Variants in ATRNL1 observed in about 807,000 individuals in gnomAD.
ATRNL1 encodes attractin like 1, also known as attractin-like protein 1.
A neutral mutation model predicts 182.7 loss-of-function variants in ATRNL1; 95 were observed. The observed-to-expected ratio is 0.52, with a 90% CI of 0.44 to 0.62. The LOEUF (loss-of-function observed/expected upper bound fraction) is 0.62, where lower values mean the gene tolerates loss of function less well. Ranked by LOEUF, ATRNL1 falls within the 20% of genes least tolerant of loss-of-function variation. The pLI, the probability that ATRNL1 is intolerant of heterozygous loss-of-function variation, is 0.00. For synonymous variants in ATRNL1, 576 were observed against 568.3 expected, an observed-to-expected ratio of 1.01 and a Z score of -0.19; for missense variants, 1,471 against 1,679.5, an observed-to-expected ratio of 0.88 and a Z score of 2.17.
chr10:115,582,185 A>C (rs1298256160), intron 26 of ATRNL1, among the ~76,000 whole-genome samples: 2 of 149,660 alleles, frequency 1.3e-5, no homozygotes, highest in Non-Finnish European at 3.0e-5. Context: ...TGCTATTGTA[A>C]ATAGTGCCGC....
rs2134633549 is a variant in ATRNL1 at position 115,944,729 on chromosome 10, G to A, written c.4090G>A (p.Gly1364Arg). The change falls in exon 29 of 29, where the codon GGA becomes AGA. Residue 1364 changes from glycine (G) to arginine (R), a missense_variant. Gly to Arg is a moderately radical substitution (Grantham distance 125). This residue lies in a region of ATRNL1 where 437 missense variants were observed against 506.0 expected (regional missense o/e 0.86). Transcript: ENST00000355044. ...TTCAGATAGTAAAGATAAGACTTCT[G>A]GAGTCCGGAATCGAAAACACCTTTC... ...KASDSKDKTS[G>R]VRNRKHLSTR... is the part of the protein sequence containing the mutation. The A allele has an allele frequency of 6.2e-7, 1 of 1,613,654 alleles. No homozygotes were observed. The highest frequency in any genetic ancestry group is 2.2e-5 in the East Asian group (1 of 44,878).
intron 21 of ATRNL1, among the ~76,000 whole-genome samples, chr10:115,431,204 C>T (rs1339962610): frequency 6.6e-6 from 1 of 151,980 alleles, no homozygotes; most frequent in East Asian, 1.9e-4. Flanking sequence ...GTAGGGAGTT[C>T]GAGACCAGCC....
At chr10:115,416,375 A>G (rs781946445) in intron 20 of ATRNL1, among the ~76,000 whole-genome samples, 3 of 152,120 alleles carry the variant, frequency 2.0e-5, no homozygotes, top group Non-Finnish European at 4.4e-5. Flanking sequence ...AAATTTGAAA[A>G]CCATTTTAAT....
intron 24 of ATRNL1, among the ~76,000 whole-genome samples, chr10:115,478,346 G>A (rs1336799186): frequency 6.6e-6 from 1 of 151,666 alleles, no homozygotes; most frequent in Non-Finnish European, 1.5e-5. Flanking sequence ...CTTCTTCCAA[G>A]GTCACTAGTT....
intron 27 of ATRNL1, among the ~76,000 whole-genome samples, chr10:115,731,729 G>A (rs1200901002): frequency 2.0e-5 from 3 of 151,342 alleles, no homozygotes; most frequent in African/African-American, 7.3e-5. Context: ...CACCACCAAA[G>A]TCAATTTTGG....
At chr10:115,677,489 G>T (rs1555043401) in intron 26 of ATRNL1, among the ~76,000 whole-genome samples, 1 of 152,004 alleles carries the variant, frequency 6.6e-6, no homozygotes. Flanking sequence ...GGAGGTAATT[G>T]AATCATGGGG....
intron 26 of ATRNL1, 124 bp downstream of exon 26, chr10:115,549,660 T>G: frequency 1.8e-6 from 1 of 560,008 alleles, no homozygotes; most frequent in Non-Finnish European, 2.8e-6. Context: ...ATACTAATAT[T>G]CAAAAATCAC....
At chr10:115,741,995 T>G (rs1254908287) in intron 27 of ATRNL1, among the ~76,000 whole-genome samples, 1 of 152,166 alleles carries the variant, frequency 6.6e-6, no homozygotes, top group African/African-American at 2.4e-5. Flanking sequence ...AAATATGTCA[T>G]CCATTTCAAA....
At chr10:115,705,403 G>T (rs1946866028) in intron 26 of ATRNL1, among the ~76,000 whole-genome samples, 1 of 152,008 alleles carries the variant, frequency 6.6e-6, no homozygotes, top group Middle Eastern at 3.4e-3. Flanking sequence ...GGAATATGCT[G>T]TATATTTATT....
At chr10:115,566,282 G>T (rs1235965928) in intron 26 of ATRNL1, among the ~76,000 whole-genome samples, 2 of 152,044 alleles carry the variant, frequency 1.3e-5, no homozygotes, top group Non-Finnish European at 2.9e-5. Context: ...GCTATTCTTA[G>T]AAGCTGGTTT....
At chr10:115,281,934 AT>A (rs1409371186) in intron 14 of ATRNL1, among the ~76,000 whole-genome samples, 1 of 147,548 alleles carries the variant, frequency 6.8e-6, no homozygotes, top group Non-Finnish European at 1.5e-5. Context: ...TATATTATAT[AT>A]TTTGCCTCTC....
At chr10:115,601,149 T>C (rs1350804577) in intron 26 of ATRNL1, among the ~76,000 whole-genome samples, 2 of 152,124 alleles carry the variant, frequency 1.3e-5, no homozygotes, top group Non-Finnish European at 1.5e-5. Flanking sequence ...CTTAAAAGTA[T>C]TTTGTATAAT....
At chr10:115,382,793 T>G (rs1554951589) in intron 19 of ATRNL1, among the ~76,000 whole-genome samples, 1 of 151,838 alleles carries the variant, frequency 6.6e-6, no homozygotes, top group African/African-American at 2.4e-5. Flanking sequence ...CATTCCTGAT[T>G]GCAGTGGGAG....
At chr10:115,922,258 G>T (rs1953088858) in intron 28 of ATRNL1, among the ~76,000 whole-genome samples, 1 of 152,072 alleles carries the variant, frequency 6.6e-6, no homozygotes, top group Non-Finnish European at 1.5e-5. Flanking sequence ...TTGTCAACAG[G>T]GATCTGTATG....
chr10:115,187,119 A>C (rs545821808), intron 8 of ATRNL1, among the ~76,000 whole-genome samples: 2 of 152,210 alleles, frequency 1.3e-5, no homozygotes, highest in South Asian at 4.1e-4. Flanking sequence ...AAAGATAACA[A>C]GTATTGGTGA....
At chr10:115,477,895 T>A (rs1848603669) in intron 24 of ATRNL1, among the ~76,000 whole-genome samples, 2 of 151,676 alleles carry the variant, frequency 1.3e-5, no homozygotes, top group African/African-American at 4.8e-5. Flanking sequence ...ATATGTAACA[T>A]TTTCATCAAT....
At chr10:115,628,157 AAAAG>A (rs1267136724) in intron 26 of ATRNL1, among the ~76,000 whole-genome samples, 7 of 151,824 alleles carry the variant, frequency 4.6e-5, no homozygotes, top group African/African-American at 7.3e-5. Context: ...AAAAAAAAAA[AAAAG>A]AAAGAAAAAA....
At chr10:115,793,459 C>T (rs1949576879) in intron 27 of ATRNL1, among the ~76,000 whole-genome samples, 1 of 152,054 alleles carries the variant, frequency 6.6e-6, no homozygotes, top group Admixed American at 6.6e-5. Context: ...ATAATAGTAG[C>T]TCATTATCTA....
At chr10:115,154,939 C>A (rs1846433000) in intron 5 of ATRNL1, among the ~76,000 whole-genome samples, 1 of 152,150 alleles carries the variant, frequency 6.6e-6, no homozygotes, top group Non-Finnish European at 1.5e-5. Context: ...GTATTAATTT[C>A]TTCCTTTAAA....
Sources: gnomAD v4.1 joint callset for allele counts (sites outside exome capture counted in the v4.1 genomes callset) on GRCh38, gnomAD v4.1.1 for gene constraint, gnomAD v4.1.1 regional missense constraint, MANE v1.5 for transcripts, NCBI Gene and HGNC (gene_info 2026-07-23, HGNC 2026-07-21) for gene names.